The following TENT2 variants were observed in gnomAD, a reference collection of about 807,000 sequenced individuals.
The protein encoded by TENT2 is poly(A) RNA polymerase GLD2.
A neutral mutation model predicts 72.2 loss-of-function variants in TENT2; 44 were observed. The ratio of observed to expected loss-of-function variants is 0.61; its 90% CI spans 0.48 to 0.78. The LOEUF is 0.78. Among genes scored for constraint, TENT2 ranks in the 30% least tolerant of loss-of-function variants. The pLI is 0.00. For synonymous variants in TENT2, 212 were observed against 192.5 expected, an observed-to-expected ratio of 1.10 and a Z score of -0.84; for missense variants, 541 against 569.6, an observed-to-expected ratio of 0.95 and a Z score of 0.51.
chr5:79,633,626 G>C (rs1356981811), intron 4 of TENT2, among the ~76,000 whole-genome samples: 1 of 151,092 alleles, frequency 6.6e-6, no homozygotes, highest in Admixed American at 6.6e-5. Flanking sequence ...ATGTTGGTCA[G>C]GCTGGTCTCG....
At position 79,681,963 on chromosome 5, in the gene TENT2, T is replaced by C; in HGVS notation, c.1301-19T>C. On this transcript the variant is annotated intron_variant, in intron 13 of 14. Coordinates refer to ENST00000453514, the MANE Select transcript of TENT2 (RefSeq NM_001114394.3). ...TCATTTTAATAATTTTTCCTTTACA[T>C]TTGCATTTAACATTGCAGAACCTTT... 3.1e-6 allele frequency: 5 copies of C among 1,598,182 alleles called. No homozygotes were observed. Among genetic ancestry groups the C allele is most frequent in the Non-Finnish European group, 4.3e-6 (5 of 1,172,076 alleles).
chr5:79,687,877 C>A lies in TENT2; in HGVS notation c.*2604C>A, dbSNP rs76462111. Among the ~76,000 whole-genome samples the A allele has an allele frequency of 1.9e-3, 291 of 152,318 alleles. No individual in the cohort carries two copies. Among genetic ancestry groups the A allele is most frequent in the African/African-American group, 6.9e-3 (286 of 41,560 alleles). On this transcript the variant is annotated 3_prime_UTR_variant, in exon 15 of 15. Transcript: ENST00000453514. ...AAATGATGGAAGGAACATAGAATGGCTACCTGTGATTTTGATTAGTGTTTA... is the reference window on the plus strand; with the variant it reads ...AAATGATGGAAGGAACATAGAATGGATACCTGTGATTTTGATTAGTGTTTA...
chr5:79,660,201 CATT>C (rs1398834757), intron 11 of TENT2, among the ~76,000 whole-genome samples: 1 of 151,794 alleles, frequency 6.6e-6, no homozygotes, highest in Non-Finnish European at 1.5e-5. Context: ...CTATAAACAT[CATT>C]GTCTCTAAAA....
At chr5:79,630,199 T>A (rs1198218313) in intron 4 of TENT2, among the ~76,000 whole-genome samples, 2 of 152,020 alleles carry the variant, frequency 1.3e-5, no homozygotes, top group Non-Finnish European at 2.9e-5. Context: ...TGCAGGAAAT[T>A]AGTGAGTGCT....
At chr5:79,672,706 C>T (rs868671746) in intron 12 of TENT2, among the ~76,000 whole-genome samples, 1 of 152,222 alleles carries the variant, frequency 6.6e-6, no homozygotes, top group Non-Finnish European at 1.5e-5. Flanking sequence ...ATCCATTCCT[C>T]TGTTGATGGA....
Position 79,687,454 on chromosome 5 carries a change from T to C in TENT2, c.*2181T>C, listed in dbSNP as rs892335100. 1.3e-5 allele frequency among the ~76,000 whole-genome samples: 2 copies of C among 152,198 alleles called. No homozygotes were observed. Among genetic ancestry groups the C allele is most frequent in the African/African-American group, 4.8e-5 (2 of 41,450 alleles). Reference sequence around the variant, plus strand: ...AATCCACAGATACTCAAGTCCCTTATATAAAATGGTGTAGTGTTTGCATAT... The same window carrying C: ...AATCCACAGATACTCAAGTCCCTTACATAAAATGGTGTAGTGTTTGCATAT... On this transcript the variant is annotated 3_prime_UTR_variant, in exon 15 of 15. Coordinates refer to ENST00000453514, the MANE Select transcript of TENT2 (RefSeq NM_001114394.3).
At chr5:79,673,449 A>G (rs10942900) in intron 12 of TENT2, among the ~76,000 whole-genome samples, 93,397 of 151,886 alleles carry the variant, frequency 0.61, 32,156 homozygotes, top group East Asian at 0.99. Flanking sequence ...TTCTTCAATC[A>G]ATTTTGGTTT....
At chr5:79,680,642 C>G (rs536716695) in intron 13 of TENT2, among the ~76,000 whole-genome samples, 21 of 152,104 alleles carry the variant, frequency 1.4e-4, no homozygotes, top group Non-Finnish European at 2.8e-4. Flanking sequence ...CGTACTTTTT[C>G]TAGGTCTTTC....
chr5:79,639,200 T>C (rs1021598889), intron 4 of TENT2, among the ~76,000 whole-genome samples: 30 of 152,218 alleles, frequency 2.0e-4, no homozygotes, highest in African/African-American at 6.7e-4. Flanking sequence ...GGCTGAGGAA[T>C]ATCACATTTG....
intron 11 of TENT2, among the ~76,000 whole-genome samples, chr5:79,667,393 C>G (rs1809132851): frequency 6.6e-6 from 1 of 152,004 alleles, no homozygotes; most frequent in South Asian, 2.1e-4. Context: ...TATTGTCACC[C>G]TAAGTTCAAT....
At chr5:79,641,411 T>C in intron 6 of TENT2, among the ~76,000 whole-genome samples, 1 of 151,414 alleles carries the variant, frequency 6.6e-6, no homozygotes, top group Non-Finnish European at 1.5e-5. Flanking sequence ...ATTCTAAGTT[T>C]TTAAAGTGAG....
chr5:79,682,556 A>G (rs543502946), intron 14 of TENT2, among the ~76,000 whole-genome samples: 2 of 150,748 alleles, frequency 1.3e-5, no homozygotes, highest in South Asian at 2.1e-4. Flanking sequence ...AAGTGCTGGT[A>G]TTACAGGCAT....
rs945035727 is a variant in TENT2 at position 79,665,936 on chromosome 5, A to G, written c.1072-2956A>G. Among the ~76,000 whole-genome samples the G allele has an allele frequency of 2.6e-5, 4 of 151,742 alleles. No individual in the cohort carries two copies. The East Asian group carries it at 5.8e-4, about 22-fold the overall frequency. Reference sequence around the variant, plus strand: ...AGTAGCATGTATTTTTCTTAAATACATAACTAAAGTGGGGAAGCACCCTTT... The same window carrying G: ...AGTAGCATGTATTTTTCTTAAATACGTAACTAAAGTGGGGAAGCACCCTTT... On this transcript the variant is annotated intron_variant, in intron 11 of 14. Transcript: ENST00000453514.
At chr5:79,676,034 G>A (rs1382644542) in intron 12 of TENT2, among the ~76,000 whole-genome samples, 1 of 151,804 alleles carries the variant, frequency 6.6e-6, no homozygotes, top group Non-Finnish European at 1.5e-5. Context: ...CCCTACCTAC[G>A]ACATTTGAAA....
rs140110469 is a variant in TENT2, at chr5:79,663,112, A to G, written c.1072-5780A>G. 1.0e-3 allele frequency among the ~76,000 whole-genome samples: 156 copies of G among 152,212 alleles called. 1 individual carries two copies. Among genetic ancestry groups the G allele is most frequent in the African/African-American group, 3.0e-3 (123 of 41,522 alleles). ...CATAACCAGCCTCTGCTACCTTCCA[A>G]CTTTTCTTCTGCAGCTTCCTCACCT... On this transcript the variant is annotated intron_variant, in intron 11 of 14. Coordinates refer to ENST00000453514, the MANE Select transcript of TENT2 (RefSeq NM_001114394.3).
intron 12 of TENT2, 128 bp downstream of exon 12, chr5:79,669,156 G>A (rs1810899908): frequency 8.8e-7 from 1 of 1,138,498 alleles, no homozygotes; most frequent in Non-Finnish European, 1.2e-6. Flanking sequence ...GTCACTTCCA[G>A]TGTTGTAAAG....
intron 6 of TENT2, among the ~76,000 whole-genome samples, chr5:79,641,535 C>T (rs1181004857): frequency 1.3e-5 from 2 of 149,862 alleles, no homozygotes; most frequent in African/African-American, 2.5e-5. Flanking sequence ...GCAATATTAT[C>T]TTCTTGATGT....
intron 1 of TENT2, chr5:79,613,794 G>A (rs1757141481): frequency 6.6e-6 from 1 of 152,222 alleles, no homozygotes; most frequent in Non-Finnish European, 1.5e-5. Context: ...AAACCTGGAA[G>A]TAGTTTTCAC....
At chr5:79,668,175 C>T (rs1391738011) in intron 11 of TENT2, among the ~76,000 whole-genome samples, 2 of 151,852 alleles carry the variant, frequency 1.3e-5, no homozygotes, top group Admixed American at 6.6e-5. Context: ...AATAAGTACC[C>T]GTTAGTATTC....
Sources: gnomAD v4.1 joint callset for allele counts (sites outside exome capture counted in the v4.1 genomes callset) on GRCh38, gnomAD v4.1.1 for gene constraint, MANE v1.5 for transcripts, NCBI Gene and HGNC (gene_info 2026-07-23, HGNC 2026-07-21) for gene names.